The following NALF1 variants were observed in gnomAD, a reference collection of about 807,000 sequenced individuals.
NALF1 encodes the protein NALCN channel auxiliary factor 1, also known as family with sequence similarity 155 member A.
In NALF1, 3 loss-of-function variants were observed where a neutral mutation model predicts 48.4. That is an observed-to-expected ratio of 0.06 (90% confidence interval 0.03 to 0.16). The LOEUF is 0.16. Ranked by LOEUF, NALF1 falls within the 10% of genes least tolerant of loss-of-function variation. The pLI is 1.00. For synonymous variants in NALF1, 262 were observed against 245.7 expected, an observed-to-expected ratio of 1.07 and a Z score of -0.62; for missense variants, 526 against 571.5, an observed-to-expected ratio of 0.92 and a Z score of 0.81.
At chr13:107,655,789 A>G (rs1237363581) in intron 1 of NALF1, among the ~76,000 whole-genome samples, 1 of 152,188 alleles carries the variant, frequency 6.6e-6, no homozygotes, top group Non-Finnish European at 1.5e-5. Context: ...CCAAAACAGC[A>G]TGGTACTGTT....
At chr13:107,397,670 C>G (rs542512454) in intron 1 of NALF1, among the ~76,000 whole-genome samples, 1 of 151,882 alleles carries the variant, frequency 6.6e-6, no homozygotes, top group East Asian at 1.9e-4. Flanking sequence ...AGAGGTAGGG[C>G]CTTGAGTTCA....
chr13:107,711,296 G>T (rs1286058726), intron 1 of NALF1, among the ~76,000 whole-genome samples: 1 of 152,170 alleles, frequency 6.6e-6, no homozygotes, highest in African/African-American at 2.4e-5. Flanking sequence ...GCATCATATT[G>T]TGATACTAAA....
chr13:107,673,543 T>A (rs985254040), intron 1 of NALF1, among the ~76,000 whole-genome samples: 5 of 152,178 alleles, frequency 3.3e-5, no homozygotes, highest in African/African-American at 9.6e-5. Flanking sequence ...TAAATAAAAA[T>A]AATCAGGGAT....
intron 1 of NALF1, among the ~76,000 whole-genome samples, chr13:107,216,869 TATG>T (rs1193604172): frequency 6.6e-6 from 1 of 152,128 alleles, no homozygotes; most frequent in East Asian, 1.9e-4. Flanking sequence ...TGCCCAGACA[TATG>T]ATTGTACAGA....
chr13:107,746,522 A>C (rs896283245), intron 1 of NALF1, among the ~76,000 whole-genome samples: 3 of 152,188 alleles, frequency 2.0e-5, no homozygotes, highest in African/African-American at 7.2e-5. Context: ...TTTGAGATCA[A>C]TTGTCCTTTA....
chr13:107,602,354 G>A (rs969090237), intron 1 of NALF1, among the ~76,000 whole-genome samples: 1 of 152,186 alleles, frequency 6.6e-6, no homozygotes, highest in Non-Finnish European at 1.5e-5. Context: ...CTGTTATAAT[G>A]TAAGGCACAC....
chr13:107,315,875 T>C (rs1010120793), intron 1 of NALF1, among the ~76,000 whole-genome samples: 2 of 149,760 alleles, frequency 1.3e-5, no homozygotes, highest in Non-Finnish European at 3.0e-5. Flanking sequence ...CAAAATATCT[T>C]ATTTTTTATA....
At chr13:107,618,003 G>A (rs1252817506) in intron 1 of NALF1, among the ~76,000 whole-genome samples, 2 of 152,092 alleles carry the variant, frequency 1.3e-5, no homozygotes, top group East Asian at 3.9e-4. Flanking sequence ...AGTCCACAAT[G>A]AATAAAATAA....
intron 1 of NALF1, among the ~76,000 whole-genome samples, chr13:107,657,695 G>A (rs1055286795): frequency 1.3e-5 from 2 of 152,138 alleles, no homozygotes; most frequent in Admixed American, 6.6e-5. Flanking sequence ...ACAAAAACCT[G>A]TTGCCCACTC....
At chr13:107,797,649 C>T (rs184589220) in intron 1 of NALF1, among the ~76,000 whole-genome samples, 161 of 152,252 alleles carry the variant, frequency 1.1e-3, no homozygotes, top group South Asian at 2.7e-3. Context: ...TCTTCATGGA[C>T]GTTCCAGTCT....
chr13:107,368,868 T>TC (rs2138962555), intron 1 of NALF1, among the ~76,000 whole-genome samples: 1 of 152,318 alleles, frequency 6.6e-6, no homozygotes, highest in South Asian at 2.1e-4. Flanking sequence ...ATGATATGGA[T>TC]CTCCGTGTAC....
chr13:107,204,284 C>T (rs1212276488), intron 2 of NALF1, among the ~76,000 whole-genome samples: 1 of 152,352 alleles, frequency 6.6e-6, no homozygotes, highest in Admixed American at 6.5e-5. Flanking sequence ...TCTGCAGCTG[C>T]GCCTGCCGCT....
intron 1 of NALF1, among the ~76,000 whole-genome samples, chr13:107,506,006 T>A (rs1875687077): frequency 6.6e-6 from 1 of 152,164 alleles, no homozygotes. Context: ...ATAATACATT[T>A]TTCTTTATGG....
intron 1 of NALF1, among the ~76,000 whole-genome samples, chr13:107,346,592 T>C: frequency 6.6e-6 from 1 of 152,032 alleles, no homozygotes; most frequent in East Asian, 1.9e-4. Context: ...GAAAGTAGAG[T>C]GATGATTGCC....
chr13:107,442,698 A>C (rs147404676), intron 1 of NALF1, among the ~76,000 whole-genome samples: 3 of 152,220 alleles, frequency 2.0e-5, no homozygotes, highest in Non-Finnish European at 4.4e-5. Context: ...AGATATTAAG[A>C]AAACCAATAT....
intron 1 of NALF1, among the ~76,000 whole-genome samples, chr13:107,317,341 G>C (rs937198255): frequency 6.6e-6 from 1 of 151,854 alleles, no homozygotes; most frequent in Non-Finnish European, 1.5e-5. Context: ...TCTGTACTGG[G>C]GTGCCAATCA....
At chr13:107,672,911 C>T (rs984203690) in intron 1 of NALF1, among the ~76,000 whole-genome samples, 3 of 152,068 alleles carry the variant, frequency 2.0e-5, no homozygotes, top group East Asian at 1.9e-4. Flanking sequence ...TCTCCCCGCG[C>T]CCCCACCGCC....
At chr13:107,622,336 G>A (rs1879541106) in intron 1 of NALF1, among the ~76,000 whole-genome samples, 1 of 151,822 alleles carries the variant, frequency 6.6e-6, no homozygotes, top group Non-Finnish European at 1.5e-5. Context: ...TACTCAAGAG[G>A]CTGAGGCAGG....
At chr13:107,313,063 C>T (rs889414683) in intron 1 of NALF1, among the ~76,000 whole-genome samples, 4 of 152,080 alleles carry the variant, frequency 2.6e-5, no homozygotes, top group Non-Finnish European at 4.4e-5. Flanking sequence ...AATGTAATTG[C>T]TGGAAGTTTT....
Sources: gnomAD v4.1 joint callset for allele counts (sites outside exome capture counted in the v4.1 genomes callset) on GRCh38, gnomAD v4.1.1 for gene constraint, MANE v1.5 for transcripts, NCBI Gene and HGNC (gene_info 2026-07-23, HGNC 2026-07-21) for gene names.